ZNF185: variants seen among roughly 807,000 people sequenced by gnomAD.
ZNF185 encodes the protein zinc finger protein 185 with LIM domain.
Under a neutral mutation model 58.6 loss-of-function variants are expected in ZNF185, and 56 were observed. The observed-to-expected ratio is 0.95, with a 90% CI of 0.77 to 1.19. The LOEUF is 1.19. Among genes scored for constraint, ZNF185 ranks in the 50% most tolerant of loss-of-function variants. The pLI, the probability that ZNF185 is intolerant of heterozygous loss-of-function variation, is 0.00. For synonymous variants in ZNF185, 230 were observed against 215.9 expected (o/e 1.07, Z -0.57); for missense variants, 627 against 573.5 (o/e 1.09, Z -0.95).
chrX:152,900,253 T>A, the ZNF185 span, among the ~76,000 whole-genome samples: 3 of 112,590 alleles, frequency 2.7e-5, no homozygotes, highest in Non-Finnish European at 3.8e-5. Flanking sequence ...ACTTGTTCCC[T>A]GAACTGTCTT....
At chrX:152,936,387 A>C (rs2046288629) in intron 14 of ZNF185, 31 bp from the exon 16 acceptor site, 1 of 1,144,971 alleles carries the variant, frequency 8.7e-7, no homozygotes, top group Non-Finnish European at 1.2e-6. Flanking sequence ...CAAAGTCCTG[A>C]ACCTGGACCA....
chrX:152,958,873 C>T (rs936160008), intron 16 of ZNF185, among the ~76,000 whole-genome samples: 2 of 112,391 alleles, frequency 1.8e-5, no homozygotes, highest in Non-Finnish European at 3.8e-5. Flanking sequence ...TGCACGCACG[C>T]GCGCTGAGAT....
chrX:152,903,258 A>G, the ZNF185 span, among the ~76,000 whole-genome samples: 1 of 108,465 alleles, frequency 9.2e-6, no homozygotes, highest in Non-Finnish European at 1.9e-5. Flanking sequence ...GTGTGGTGGC[A>G]GGCGTCTGTA....
chrX:152,938,793 G>A (rs782657171), intron 15 of ZNF185, among the ~76,000 whole-genome samples: 2 of 109,555 alleles, frequency 1.8e-5, no homozygotes, highest in East Asian at 5.7e-4. Context: ...AGGTCTCTGT[G>A]CCTCCTGGGA....
At chrX:152,917,233 C>T (rs1209828477) in intron 4 of ZNF185, 52 bp from the exon 6 acceptor site, 4 of 1,209,177 alleles carry the variant, frequency 3.3e-6, no homozygotes, top group African/African-American at 1.7e-5. Flanking sequence ...TGACTTCTTA[C>T]CCCTCCAGTC....
At chrX:152,914,991 A>G in intron 2 of ZNF185, 147 bp from the exon 4 acceptor site, 1 of 977,054 alleles carries the variant, frequency 1.0e-6, no homozygotes, top group Non-Finnish European at 1.4e-6. Context: ...GCAATGTCAC[A>G]GGGTGGGAGA....
At chrX:152,964,098 G>C (rs782210761) in intron 18 of ZNF185, 149 bp downstream of exon 20, 56 of 490,645 alleles carry the variant, frequency 1.1e-4, no homozygotes, top group Non-Finnish European at 1.8e-4. Context: ...ACACAGGACA[G>C]TGTTAGTCCC....
intron 11 of ZNF185, among the ~76,000 whole-genome samples, chrX:152,925,378 T>A (rs1940666537): frequency 8.9e-6 from 1 of 112,230 alleles, no homozygotes; most frequent in Non-Finnish European, 1.9e-5. Context: ...TAAAAGGCAC[T>A]TTGACATTTA....
chrX:152,957,721 T>TG (rs199666774), intron 16 of ZNF185, among the ~76,000 whole-genome samples: 344 of 112,582 alleles, frequency 3.1e-3, no homozygotes, highest in African/African-American at 0.01. Context: ...AGCAAGCTTA[T>TG]GGGGGCCCAA....
Position 152,929,990 on chromosome X carries a change from A to G in ZNF185, c.917+1329A>G, listed in dbSNP as rs781920861. On this transcript the variant is annotated intron_variant, in intron 12 of 22. Coordinates refer to ENST00000449285, the Ensembl canonical transcript of ZNF185. ...TGTCCTTCTCCTGAGTTTCTTCCCC[A>G]GGCAGCATCTGAGGGCTTGTCGATT... Among the ~76,000 whole-genome samples the G allele has an allele frequency of 2.7e-5, 3 of 112,396 alleles. No individual in the cohort carries two copies. The Admixed American group carries it at 2.8e-4, about 11-fold the overall frequency.
At chrX:152,928,598 G>T (rs782023211) in exon 12 of ZNF185, 1 of 1,210,634 alleles carries the variant, frequency 8.3e-7, no homozygotes, top group East Asian at 3.0e-5. Flanking sequence ...GAAATTGTCC[G>T]CCTGCAGATC....
the ZNF185 span, among the ~76,000 whole-genome samples, chrX:152,906,226 C>T: frequency 3.6e-5 from 4 of 112,489 alleles, no homozygotes; most frequent in Non-Finnish European, 7.5e-5. Context: ...TGCCTGGGTC[C>T]GCCCATCTCT....
chrX:152,959,070 A>T (rs781895852), intron 16 of ZNF185, among the ~76,000 whole-genome samples: 12 of 112,915 alleles, frequency 1.1e-4, no homozygotes, highest in African/African-American at 3.2e-4. Flanking sequence ...CTGCCGCCAG[A>T]TGGCGCTCGA....
chrX:152,907,664 G>A, the ZNF185 span, among the ~76,000 whole-genome samples: 1 of 113,139 alleles, frequency 8.8e-6, no homozygotes, highest in South Asian at 3.6e-4. Flanking sequence ...GTTGGACTTG[G>A]CCCTGAACTG....
intron 15 of ZNF185, among the ~76,000 whole-genome samples, chrX:152,943,552 A>G (rs2047473483): frequency 8.9e-6 from 1 of 112,607 alleles, no homozygotes; most frequent in Non-Finnish European, 1.9e-5. Flanking sequence ...CCTGGATGTT[A>G]CATTGTCCAG....
At chrX:152,945,161 T>C in intron 15 of ZNF185, 106 bp from the exon 18 acceptor site, 1 of 897,270 alleles carries the variant, frequency 1.1e-6, no homozygotes, top group Admixed American at 3.3e-5. Flanking sequence ...TTCAGGGATA[T>C]GAGTCCCTCC....
At chrX:152,931,038 G>A (rs1173070912) in intron 12 of ZNF185, among the ~76,000 whole-genome samples, 1 of 111,738 alleles carries the variant, frequency 8.9e-6, no homozygotes, top group African/African-American at 3.3e-5. Flanking sequence ...TGAAAGATGG[G>A]CATGGGTGAT....
rs781796795 is a variant in ZNF185 at position 152,917,520 on chromosome X, G to C, written c.341+158G>C. On this transcript the variant is annotated intron_variant, in intron 5 of 22. Coordinates refer to ENST00000449285, the Ensembl canonical transcript of ZNF185. ...GCAGGACCCTGGAGAGCAGGGTGGG[G>C]TGACCAGAGGAGATGGGCTGGGGTG... 1.1e-4 allele frequency among the ~76,000 whole-genome samples: 12 copies of C among 111,866 alleles called. No individual in the cohort carries two copies. In the South Asian group the frequency reaches 4.5e-3, roughly 42 times the overall value.
chrX:152,959,577 C>A (rs2049255263), intron 16 of ZNF185, 122 bp from the exon 19 acceptor site: 28 of 795,865 alleles, frequency 3.5e-5, no homozygotes, highest in Non-Finnish European at 4.7e-5. Flanking sequence ...TTCCTGTCTG[C>A]CCCACTCTTG....
Sources: allele counts gnomAD v4.1 joint callset (sites outside exome capture counted in the v4.1 genomes callset), GRCh38; gene constraint gnomAD v4.1.1; transcripts MANE v1.5; gene names NCBI Gene and HGNC (gene_info 2026-07-23, HGNC 2026-07-21).